Variants in NR3C2 observed in about 807,000 individuals in gnomAD.
NR3C2 encodes nuclear receptor subfamily 3 group C member 2.
NR3C2 carries 15 observed loss-of-function variants against 86.4 expected under a neutral mutation model. The observed-to-expected ratio is 0.17, with a 90% CI of 0.12 to 0.27. NR3C2 has a LOEUF of 0.27. NR3C2 is among the 10% of genes least tolerant of loss of function. The pLI is 1.00. For missense variants in NR3C2, 960 were observed against 1,195.6 expected (o/e 0.80, Z 2.91); for synonymous variants, 458 against 450.5 (o/e 1.02, Z -0.21).
chr4:148,217,280 A>C (rs1465511331), intron 3 of NR3C2, among the ~76,000 whole-genome samples: 1 of 152,202 alleles, frequency 6.6e-6, no homozygotes, highest in Admixed American at 6.5e-5. Context: ...ACCTAGTGGA[A>C]ACCACACAGG....
intron 2 of NR3C2, among the ~76,000 whole-genome samples, chr4:148,406,797 T>C (rs781025935): frequency 7.2e-5 from 11 of 152,276 alleles, no homozygotes; most frequent in Middle Eastern, 6.8e-3. Flanking sequence ...AGATAATTAT[T>C]AAGAAAAAAT....
intron 8 of NR3C2, among the ~76,000 whole-genome samples, chr4:148,108,400 G>A (rs1055144794): frequency 6.6e-6 from 1 of 152,186 alleles, no homozygotes; most frequent in African/African-American, 2.4e-5. Flanking sequence ...ACTGCACCCA[G>A]CCATGTCAAT....
intron 2 of NR3C2, among the ~76,000 whole-genome samples, chr4:148,388,069 G>A (rs1747358591): frequency 1.3e-5 from 2 of 152,134 alleles, no homozygotes; most frequent in Non-Finnish European, 2.9e-5. Flanking sequence ...ACCTCTTCCA[G>A]AGACATTCCT....
At chr4:148,392,813 T>C (rs1336601849) in intron 2 of NR3C2, among the ~76,000 whole-genome samples, 1 of 152,228 alleles carries the variant, frequency 6.6e-6, no homozygotes, top group Non-Finnish European at 1.5e-5. Context: ...GCATGTTTTC[T>C]GGTCCTTTTA....
intron 1 of NR3C2, among the ~76,000 whole-genome samples, chr4:148,438,284 A>C (rs1750172083): frequency 6.6e-6 from 1 of 152,174 alleles, no homozygotes; most frequent in Admixed American, 6.5e-5. Context: ...TGACAACTGA[A>C]AATGTCTCCA....
intron 2 of NR3C2, among the ~76,000 whole-genome samples, chr4:148,387,184 G>A (rs952431777): frequency 1.3e-5 from 2 of 152,144 alleles, no homozygotes. Flanking sequence ...AGGTTTTATT[G>A]GTTTGTACCT....
At chr4:148,408,509 T>C (rs902108373) in intron 2 of NR3C2, among the ~76,000 whole-genome samples, 10 of 152,182 alleles carry the variant, frequency 6.6e-5, no homozygotes, top group South Asian at 2.1e-4. Context: ...TCTGTTTCTT[T>C]ATACTCCACA....
intron 2 of NR3C2, among the ~76,000 whole-genome samples, chr4:148,430,961 C>G (rs1207843312): frequency 1.3e-5 from 2 of 152,032 alleles, no homozygotes; most frequent in Non-Finnish European, 2.9e-5. Flanking sequence ...TTCTTGTAAC[C>G]TACCAGAATA....
chr4:148,382,042 T>C (rs1335011142), intron 2 of NR3C2, among the ~76,000 whole-genome samples: 1 of 152,136 alleles, frequency 6.6e-6, no homozygotes, highest in Non-Finnish European at 1.5e-5. Context: ...TAGATCAGTG[T>C]AGGCAATTAA....
At chr4:148,342,609 C>T (rs1022009944) in intron 2 of NR3C2, among the ~76,000 whole-genome samples, 2 of 152,118 alleles carry the variant, frequency 1.3e-5, no homozygotes, top group Admixed American at 6.5e-5. Flanking sequence ...CACTATAATC[C>T]GTTCCCACAT....
intron 4 of NR3C2, among the ~76,000 whole-genome samples, chr4:148,175,738 T>G (rs1273450846): frequency 1.3e-5 from 2 of 152,186 alleles, no homozygotes; most frequent in Non-Finnish European, 2.9e-5. Flanking sequence ...GATGAAACAG[T>G]TTGAATTTTT....
intron 8 of NR3C2, among the ~76,000 whole-genome samples, chr4:148,102,495 G>A (rs770527476): frequency 9.9e-5 from 15 of 151,998 alleles, no homozygotes; most frequent in Non-Finnish European, 2.1e-4. Context: ...GTGCTACCTT[G>A]CCCAGCTATC....
chr4:148,263,338 C>T (rs1280093971), intron 2 of NR3C2, among the ~76,000 whole-genome samples: 2 of 152,224 alleles, frequency 1.3e-5, no homozygotes, highest in African/African-American at 4.8e-5. Flanking sequence ...AAACCTTGTA[C>T]TCTTTCCTCA....
At chr4:148,373,722 T>A (rs1276104755) in intron 2 of NR3C2, among the ~76,000 whole-genome samples, 1 of 152,036 alleles carries the variant, frequency 6.6e-6, no homozygotes, top group Non-Finnish European at 1.5e-5. Flanking sequence ...GTAATCCACC[T>A]GCCTCGGCCT....
At chr4:148,346,143 T>C (rs934235328) in intron 2 of NR3C2, among the ~76,000 whole-genome samples, 2 of 152,066 alleles carry the variant, frequency 1.3e-5, no homozygotes, top group African/African-American at 4.8e-5. Context: ...TGACCCTTGA[T>C]GGATACAATA....
At chr4:148,318,005 C>T (rs983502556) in intron 2 of NR3C2, among the ~76,000 whole-genome samples, 16 of 146,994 alleles carry the variant, frequency 1.1e-4, no homozygotes, top group Non-Finnish European at 2.4e-4. Flanking sequence ...AGGTATATCT[C>T]CCAATGCTAT....
intron 2 of NR3C2, among the ~76,000 whole-genome samples, chr4:148,268,860 C>T (rs939161058): frequency 2.0e-5 from 3 of 152,092 alleles, no homozygotes; most frequent in Non-Finnish European, 4.4e-5. Flanking sequence ...TAAAAATCTA[C>T]GACGTTAAAG....
intron 6 of NR3C2, among the ~76,000 whole-genome samples, chr4:148,124,732 T>C (rs568825364): frequency 1.3e-5 from 2 of 152,342 alleles, no homozygotes; most frequent in East Asian, 3.9e-4. Flanking sequence ...ATGTTGGACC[T>C]TCTCCTCATG....
At chr4:148,204,788 T>A (rs1314623796) in intron 3 of NR3C2, among the ~76,000 whole-genome samples, 1 of 152,214 alleles carries the variant, frequency 6.6e-6, no homozygotes, top group Non-Finnish European at 1.5e-5. Flanking sequence ...ATGAATTTGG[T>A]CGCACCTATA....
Sources: gnomAD v4.1 joint callset for allele counts (sites outside exome capture counted in the v4.1 genomes callset) on GRCh38, gnomAD v4.1.1 for gene constraint, MANE v1.5 for transcripts, NCBI Gene and HGNC (gene_info 2026-07-23, HGNC 2026-07-21) for gene names.